HDAC9: variants seen among roughly 807,000 people sequenced by gnomAD.
The protein encoded by HDAC9 is histone deacetylase 9.
In HDAC9, 41 loss-of-function variants were observed where a neutral mutation model predicts 139.4. That is an observed-to-expected ratio of 0.29 (90% CI 0.23 to 0.38). HDAC9 has a LOEUF of 0.38. Among genes scored for constraint, HDAC9 ranks in the 10% least tolerant of loss-of-function variants. The pLI is 1.00. For missense variants in HDAC9, 1,147 were observed against 1,297.0 expected (o/e 0.88, Z 1.78); for synonymous variants, 517 against 476.2 (o/e 1.09, Z -1.12).
At chr7:18,284,111 G>C (rs1333862172) in intron 2 of HDAC9, among the ~76,000 whole-genome samples, 1 of 152,034 alleles carries the variant, frequency 6.6e-6, no homozygotes, top group Non-Finnish European at 1.5e-5. Flanking sequence ...CCACCAAATT[G>C]TTCCCATTGG....
rs1199523847 is a variant in HDAC9 at position 18,547,585 on chromosome 7, T to C, written c.23-37696T>C. On this transcript the variant is annotated intron_variant, in intron 2 of 25. Transcript: ENST00000686413. ...ACAACAATGAAGTTGGCTGCATCGA[T>C]TGACTTTTCCTTTCATGAAAGATTT... 3.9e-5 allele frequency among the ~76,000 whole-genome samples: 6 copies of C among 152,302 alleles called. No individual in the cohort carries two copies. In the East Asian group the frequency reaches 7.7e-4, roughly 20 times the overall value.
At chr7:18,577,721 T>G (rs1229905212) in intron 2 of HDAC9, among the ~76,000 whole-genome samples, 1 of 152,030 alleles carries the variant, frequency 6.6e-6, no homozygotes, top group Non-Finnish European at 1.5e-5. Context: ...AAGGAAGACA[T>G]GGGCAAGAAA....
In HDAC9 at chr7:18,495,907, C is replaced by T; in HGVS notation, c.-158C>T. The T allele has an allele frequency of 1.7e-6, 2 of 1,195,714 alleles. No homozygotes were observed. Among genetic ancestry groups the T allele is most frequent in the Middle Eastern group, 6.6e-4 (2 of 3,016 alleles). 74.1% of individuals were successfully genotyped at this position (1,195,714 alleles called of 1,614,324 possible). ...TAGACTTAATAATTTTCTACGTATT[C>T]TGACAAAGAAATAACCCCGAAGCAC... On this transcript the variant is annotated 5_prime_UTR_variant, in exon 1 of 26. Coordinates refer to ENST00000686413, the MANE Select transcript of HDAC9 (RefSeq NM_178425.4).
chr7:18,393,999 C>T (rs1222541786), intron 1 of HDAC9, among the ~76,000 whole-genome samples: 1 of 152,120 alleles, frequency 6.6e-6, no homozygotes, highest in South Asian at 2.1e-4. Context: ...AGAAGGCAGT[C>T]TGTTAATTTA....
intron 22 of HDAC9, among the ~76,000 whole-genome samples, chr7:18,920,854 A>G (rs1319997797): frequency 2.0e-5 from 3 of 152,114 alleles, no homozygotes; most frequent in African/African-American, 4.8e-5. Context: ...CCACTTGATC[A>G]TGGTGGATAA....
intron 1 of HDAC9, among the ~76,000 whole-genome samples, chr7:18,305,813 G>C (rs1798870044): frequency 1.3e-5 from 2 of 152,010 alleles, no homozygotes; most frequent in Admixed American, 6.6e-5. Context: ...TTTAGGAAAG[G>C]AACTTGGTAC....
At chr7:18,571,968 C>A (rs1178508003) in intron 2 of HDAC9, among the ~76,000 whole-genome samples, 1 of 142,394 alleles carries the variant, frequency 7.0e-6, no homozygotes, top group South Asian at 2.2e-4. Flanking sequence ...ACCAATGAAA[C>A]TTTTTTTTTT....
At chr7:18,563,434 C>A (rs555438986) in intron 2 of HDAC9, among the ~76,000 whole-genome samples, 1 of 152,078 alleles carries the variant, frequency 6.6e-6, no homozygotes, top group South Asian at 2.1e-4. Context: ...TTGTTATCTT[C>A]TTTTGTTGTT....
At chr7:18,307,357 C>A (rs1030517158) in intron 1 of HDAC9, among the ~76,000 whole-genome samples, 12 of 152,128 alleles carry the variant, frequency 7.9e-5, no homozygotes. Flanking sequence ...TGAGAATCAT[C>A]TTGAACACAT....
In HDAC9 at chr7:18,524,695, G is replaced by A. The variant is rs1015781811; in HGVS notation, c.22+28371G>A. On this transcript the variant is annotated intron_variant, in intron 2 of 25. Coordinates refer to ENST00000686413, the MANE Select transcript of HDAC9 (RefSeq NM_178425.4). The stretch of plus-strand genomic sequence containing the variant: ...ATTCTTAACTCTGTCTCTCTTCTAG[G>A]GATTGAGAGATACAGAGAGATTGAG... Among the ~76,000 whole-genome samples the A allele has an allele frequency of 2.6e-5, 4 of 152,144 alleles. No individual in the cohort carries two copies. In the East Asian group the frequency reaches 7.7e-4, roughly 29 times the overall value.
chr7:18,101,221 C>G (rs1189827511), intron 1 of HDAC9, among the ~76,000 whole-genome samples: 1 of 152,194 alleles, frequency 6.6e-6, no homozygotes, highest in Non-Finnish European at 1.5e-5. Flanking sequence ...CTGCTCTGAT[C>G]TCCTTAGTTC....
intron 6 of HDAC9, among the ~76,000 whole-genome samples, chr7:18,599,606 C>T (rs143918758): frequency 3.6e-4 from 55 of 152,258 alleles, no homozygotes; most frequent in African/African-American, 1.3e-3. Flanking sequence ...TAAGATTCTT[C>T]CATGTATTTT....
At chr7:18,605,271 C>T (rs895739331) in intron 6 of HDAC9, among the ~76,000 whole-genome samples, 2 of 152,152 alleles carry the variant, frequency 1.3e-5, no homozygotes, top group Non-Finnish European at 2.9e-5. Context: ...GAGAAATGTT[C>T]TATAACCTTA....
intron 14 of HDAC9, among the ~76,000 whole-genome samples, chr7:18,755,131 G>A (rs767042057): frequency 6.6e-6 from 1 of 152,104 alleles, no homozygotes; most frequent in Non-Finnish European, 1.5e-5. Flanking sequence ...TAAAGGATAT[G>A]GCAGTCTTGG....
intron 6 of HDAC9, among the ~76,000 whole-genome samples, chr7:18,596,686 C>A (rs1472981800): frequency 6.6e-6 from 1 of 152,096 alleles, no homozygotes; most frequent in African/African-American, 2.4e-5. Context: ...ACCAGCCCAG[C>A]TACTGTAGAG....
chr7:18,913,720 A>C (rs1269081598), intron 22 of HDAC9, among the ~76,000 whole-genome samples: 1 of 146,924 alleles, frequency 6.8e-6, no homozygotes, highest in Non-Finnish European at 1.5e-5. Flanking sequence ...ACCCTAGAAG[A>C]TAAGAATTTA....
At chr7:18,298,553 T>G (rs951807295) in intron 1 of HDAC9, among the ~76,000 whole-genome samples, 3 of 152,242 alleles carry the variant, frequency 2.0e-5, no homozygotes, top group Admixed American at 2.0e-4. Flanking sequence ...TTTGTTCTTA[T>G]GATAGTTTAC....
intron 1 of HDAC9, among the ~76,000 whole-genome samples, chr7:18,298,435 G>A (rs772252704): frequency 6.6e-6 from 1 of 151,280 alleles, no homozygotes; most frequent in African/African-American, 2.4e-5. Context: ...ATCCCTCCCC[G>A]CTCCCCACCC....
intron 2 of HDAC9, among the ~76,000 whole-genome samples, chr7:18,261,586 G>C (rs191411904): frequency 4.1e-4 from 62 of 152,250 alleles, no homozygotes; most frequent in African/African-American, 1.4e-3. Context: ...CCAAAGTAAG[G>C]TTTACTTTCT....
Sources: gnomAD v4.1 joint callset for allele counts (sites outside exome capture counted in the v4.1 genomes callset) on GRCh38, gnomAD v4.1.1 for gene constraint, MANE v1.5 for transcripts, NCBI Gene and HGNC (gene_info 2026-07-23, HGNC 2026-07-21) for gene names.